The following EEF1A2 variants were observed in gnomAD, a reference collection of about 807,000 sequenced individuals.
EEF1A2 encodes the protein eukaryotic translation elongation factor 1 alpha 2.
A neutral mutation model predicts 39.3 loss-of-function variants in EEF1A2; 5 were observed. That is an observed-to-expected ratio of 0.13 (90% CI 0.07 to 0.27). The LOEUF (loss-of-function observed/expected upper bound fraction) is 0.27, where lower values mean the gene tolerates loss of function less well. Among genes scored for constraint, EEF1A2 ranks in the 10% least tolerant of loss-of-function variants. EEF1A2 has a pLI of 1.00. For synonymous variants in EEF1A2, 287 were observed against 293.7 expected (o/e 0.98, Z 0.23); for missense variants, 218 against 681.4 (o/e 0.32, Z 7.57).
rs80333868 is a variant in EEF1A2 at position 63,496,403 on chromosome 20, C to G, written c.145-368G>C. ...GGACGCCCCCAGATCCCTTCCTCAA[C>G]CAGAGGCCAATAATACCACCGTGTT... On this transcript the variant is annotated intron_variant, in intron 2 of 7. Coordinates refer to ENST00000217182, the MANE Select transcript of EEF1A2 (RefSeq NM_001958.5). 6.9e-3 allele frequency: 1,768 copies of G among 255,666 alleles called. 148 individuals are homozygous for G. The East Asian group carries it at 0.15, about 22-fold the overall frequency. 15.8% of individuals were successfully genotyped at this position (255,666 alleles called of 1,614,324 possible). A position where few individuals can be genotyped will look rare whatever the true frequency, so the allele number is the denominator to read the frequency against.
At position 63,488,256 on chromosome 20, in the gene EEF1A2, C is replaced by CGCG; in HGVS notation, c.*39_*41dup. On this transcript the variant is annotated 3_prime_UTR_variant, in exon 8 of 8. Transcript: ENST00000217182. Reference sequence around the variant, plus strand: ...GGGGGCCCGGGCCCGGGGTTCGGAGCGCGGCACCGCCGGGGAGGGTCGCGC... The same window carrying CGCG: ...GGGGGCCCGGGCCCGGGGTTCGGAGCGCGGCGGCACCGCCGGGGAGGGTCGCGC... The CGCG allele has an allele frequency of 1.0e-6, 1 of 1,004,724 alleles. No individual in the cohort carries two copies. Among genetic ancestry groups the CGCG allele is most frequent in the Non-Finnish European group, 1.2e-6 (1 of 842,796 alleles). The allele number at this position is 1,004,724 out of a possible 1,614,324, so 62.2% of individuals were successfully genotyped here. A position where few individuals can be genotyped will look rare whatever the true frequency, so the allele number is the denominator to read the frequency against.
chr20:63,495,763 G>C lies in EEF1A2; in HGVS notation c.324+93C>G, dbSNP rs111948928. On this transcript the variant is annotated intron_variant, in intron 3 of 7. Transcript: ENST00000217182. ...CCCTGCCCTCACAGGAAGCACAGGA[G>C]ACCCTACCATCCCAGTGACCCCAGG... The C allele has an allele frequency of 2.3e-3, 3,462 of 1,490,896 alleles. 82 individuals are homozygous for C. The African/African-American group carries it at 0.043, about 19-fold the overall frequency. The allele number at this position is 1,490,896 out of a possible 1,614,324, so 92.4% of individuals were successfully genotyped here. A position where few individuals can be genotyped will look rare whatever the true frequency, so the allele number is the denominator to read the frequency against.
intron 2 of EEF1A2, 112 bp from the exon 3 acceptor site, chr20:63,496,147 A>G: frequency 1.5e-6 from 2 of 1,310,338 alleles, no homozygotes; most frequent in Non-Finnish European, 2.1e-6. Flanking sequence ...GATGGGCTCC[A>G]GCACCCCCTT....
At position 63,497,944 on chromosome 20, in the gene EEF1A2, GC is replaced by G; in HGVS notation, c.-71-111del. ...ACAGGCATCCCTGCCCACAAACCAA[GC>G]CCCCATGTTTGGTGGGGAGGGAAGG... On this transcript the variant is annotated intron_variant, in intron 1 of 7. Transcript: ENST00000217182. The surrounding 1 kb of genome is among the most constrained non-coding windows in gnomAD (Gnocchi z 7.3). The G allele has an allele frequency of 1.2e-6, 1 of 829,564 alleles. No homozygotes were observed. Among genetic ancestry groups the G allele is most frequent in the Non-Finnish European group, 1.8e-6 (1 of 562,856 alleles). 51.4% of individuals were successfully genotyped at this position (829,564 alleles called of 1,614,324 possible). A position where few individuals can be genotyped will look rare whatever the true frequency, so the allele number is the denominator to read the frequency against.
rs1177039170 is a variant in EEF1A2 at position 63,489,764 on chromosome 20, CAG to C, written c.1030-614_1030-613del. 3.9e-5 allele frequency among the ~76,000 whole-genome samples: 6 copies of C among 152,012 alleles called. 1 individual carries two copies. In the East Asian group the frequency reaches 1.2e-3, roughly 29 times the overall value. On this transcript the variant is annotated intron_variant, in intron 6 of 7. Coordinates refer to ENST00000217182, the MANE Select transcript of EEF1A2 (RefSeq NM_001958.5). ...CACCACTGCACTCCAGCCTGGGCAA[CAG>C]AGCGAGACTCCGTCTCAAAAAAAAA... is the stretch of plus-strand genomic sequence containing the variant.
At chr20:63,496,128 G>A (rs2082415462) in intron 2 of EEF1A2, 93 bp from the exon 3 acceptor site, 1 of 1,462,250 alleles carries the variant, frequency 6.8e-7, no homozygotes, top group Non-Finnish European at 9.3e-7. Context: ...GTGGCCGCGA[G>A]AGGCGGGAGA....
intron 4 of EEF1A2, 49 bp from the exon 5 acceptor site, chr20:63,493,336 C>T (rs2082399928): frequency 1.6e-5 from 24 of 1,462,964 alleles, no homozygotes; most frequent in Non-Finnish European, 2.0e-5. Context: ...TGGTGGCCTC[C>T]CCACCCTCAG....
chr20:63,495,089 C>A lies in EEF1A2; in HGVS notation c.337G>T (p.Val113Leu). The change falls in exon 4 of 8, where the codon GTG becomes TTG. Residue 113 changes from valine to leucine, a missense_variant. Val to Leu is a conservative substitution (Grantham distance 32). Coordinates refer to ENST00000217182, the MANE Select transcript of EEF1A2 (RefSeq NM_001958.5). ...ITGTSQADCA[V>L]LIVAAGVGEF... ...CCCACGCCCGCCGCCACGATCAGCA[C>A]TGCGCAGTCCGCCTGCCCGGCAGGG... The A allele has an allele frequency of 6.2e-7, 1 of 1,609,350 alleles. No individual in the cohort carries two copies. The highest frequency in any genetic ancestry group is 8.5e-7 in the Non-Finnish European group (1 of 1,178,902).
chr20:63,489,420 C>CG lies in EEF1A2; in HGVS notation c.1030-269dup, dbSNP rs372583413. ...CGGCCAACCCCAGCTGGAACTAAGGCGGGGGGGTGACAAAACTGGACCTCA... is the reference window on the plus strand; with the variant it reads ...CGGCCAACCCCAGCTGGAACTAAGGCGGGGGGGGTGACAAAACTGGACCTCA... On this transcript the variant is annotated intron_variant, in intron 6 of 7. Transcript: ENST00000217182. Among the ~76,000 whole-genome samples the CG allele has an allele frequency of 6.4e-3, 969 of 152,202 alleles. 4 individuals are homozygous for CG. The highest frequency in any genetic ancestry group is 0.018 in the African/African-American group (749 of 41,514).
chr20:63,493,749 C>T (rs919287984), intron 4 of EEF1A2, among the ~76,000 whole-genome samples: 16 of 152,334 alleles, frequency 1.1e-4, no homozygotes, highest in African/African-American at 2.9e-4. Flanking sequence ...CAGCCTTGTC[C>T]GGAGCTTCTC....
At chr20:63,490,893 G>A (rs2082375845) in intron 5 of EEF1A2, among the ~76,000 whole-genome samples, 158 bp from the exon 6 acceptor site, 1 of 139,312 alleles carries the variant, frequency 7.2e-6, no homozygotes, top group South Asian at 2.6e-4. Flanking sequence ...GGGGAAGGGA[G>A]GCCAGGGACA....
intron 2 of EEF1A2, chr20:63,496,249 G>A (rs999930041): frequency 2.3e-4 from 136 of 598,102 alleles, no homozygotes; most frequent in Non-Finnish European, 3.6e-4. Context: ...CACCTGCTCC[G>A]AAATGGGCGC....
intron 3 of EEF1A2, 42 bp from the exon 4 acceptor site, chr20:63,495,143 G>A (rs1472162886): frequency 6.3e-7 from 1 of 1,591,640 alleles, no homozygotes; most frequent in Admixed American, 1.7e-5. Flanking sequence ...CCGCCTGCCT[G>A]GCAGGGGACA....
At chr20:63,496,062 G>C in intron 2 of EEF1A2, 27 bp from the exon 3 acceptor site, 1 of 1,610,492 alleles carries the variant, frequency 6.2e-7, no homozygotes. Flanking sequence ...TCACGGCTGA[G>C]GGCGGGACCC....
At chr20:63,491,754 A>G (rs2082379996) in intron 5 of EEF1A2, among the ~76,000 whole-genome samples, 1 of 147,168 alleles carries the variant, frequency 6.8e-6, no homozygotes, top group Non-Finnish European at 1.5e-5. Flanking sequence ...AGGGAGATGG[A>G]TGGATGGATT....
At chr20:63,492,087 T>G in intron 5 of EEF1A2, among the ~76,000 whole-genome samples, 1 of 61,116 alleles carries the variant, frequency 1.6e-5, no homozygotes, top group Non-Finnish European at 3.4e-5. Context: ...GATAGAGAGG[T>G]GGATGGGTGG....
intron 3 of EEF1A2, among the ~76,000 whole-genome samples, chr20:63,495,416 C>T (rs762432901): frequency 4.6e-5 from 7 of 152,224 alleles, no homozygotes; most frequent in Non-Finnish European, 8.8e-5. Flanking sequence ...GTTATCAAAG[C>T]AGTTTGGAGG....
chr20:63,493,430 G>T, intron 4 of EEF1A2, 143 bp from the exon 5 acceptor site: 1 of 953,698 alleles, frequency 1.0e-6, no homozygotes, highest in Non-Finnish European at 1.5e-6. Flanking sequence ...TCCCCACCCT[G>T]CTCCTCCCCA....
intron 5 of EEF1A2, among the ~76,000 whole-genome samples, chr20:63,492,488 GGATGGACA>G (rs2082391490): frequency 6.6e-6 from 1 of 151,840 alleles, no homozygotes; most frequent in Non-Finnish European, 1.5e-5. Flanking sequence ...ATGGATGGAT[GGATGGACA>G]GAAGGATGGA....
Sources: gnomAD v4.1 joint callset for allele counts (sites outside exome capture counted in the v4.1 genomes callset) on GRCh38, gnomAD v4.1.1 for gene constraint, Gnocchi (gnomAD v3.1) non-coding constraint, MANE v1.5 for transcripts, NCBI Gene and HGNC (gene_info 2026-07-23, HGNC 2026-07-21) for gene names.